Variants in CATSPERE observed in about 807,000 individuals in gnomAD.
CATSPERE encodes cation channel sperm-associated auxiliary subunit epsilon.
CATSPERE carries 93 observed loss-of-function variants against 114.1 expected under a neutral mutation model. The ratio of observed to expected loss-of-function variants is 0.81; its 90% CI spans 0.69 to 0.97. CATSPERE has a LOEUF of 0.97. CATSPERE is among the 50% of genes least tolerant of loss of function. The pLI, the probability that CATSPERE is intolerant of heterozygous loss-of-function variation, is 0.00. For missense variants in CATSPERE, 1,058 were observed against 1,131.6 expected, an observed-to-expected ratio of 0.93 and a Z score of 0.93; for synonymous variants, 341 against 384.1, an observed-to-expected ratio of 0.89 and a Z score of 1.31.
At chr1:244,571,808 G>A (rs950627185) in intron 10 of CATSPERE, among the ~76,000 whole-genome samples, 3 of 152,062 alleles carry the variant, frequency 2.0e-5, no homozygotes, top group Non-Finnish European at 4.4e-5. Context: ...TCCTCATGTG[G>A]CCTTTCTTCT....
intron 5 of CATSPERE, among the ~76,000 whole-genome samples, chr1:244,486,930 C>T (rs1439432648): frequency 6.4e-4 from 88 of 138,494 alleles, no homozygotes; most frequent in East Asian, 2.4e-3. Flanking sequence ...TGTAGACCCT[C>T]GTAGTCACCT....
intron 6 of CATSPERE, among the ~76,000 whole-genome samples, chr1:244,492,013 G>C (rs1672265058): frequency 6.6e-6 from 1 of 152,176 alleles, no homozygotes; most frequent in African/African-American, 2.4e-5. Context: ...TCTACCTGAG[G>C]TACAAGGAGG....
intron 8 of CATSPERE, among the ~76,000 whole-genome samples, chr1:244,524,653 AC>A (rs1558426960): frequency 6.6e-6 from 1 of 151,740 alleles, no homozygotes; most frequent in African/African-American, 2.4e-5. Flanking sequence ...AAAAAAACAA[AC>A]AACCCCATCA....
intron 8 of CATSPERE, 63 bp downstream of exon 8, chr1:244,518,761 C>T (rs1163430201): frequency 1.9e-5 from 16 of 844,490 alleles, no homozygotes; most frequent in Non-Finnish European, 2.7e-5. Context: ...TTTTAAAATC[C>T]TAGTGGAACT....
chr1:244,514,750 A>G (rs569079826), intron 7 of CATSPERE, among the ~76,000 whole-genome samples: 2 of 148,958 alleles, frequency 1.3e-5, no homozygotes, highest in Admixed American at 6.8e-5. Context: ...AATGGCATGA[A>G]CCCGGGAGGT....
chr1:244,451,701 G>C, upstream of CATSPERE: 1 of 1,612,336 alleles, frequency 6.2e-7, no homozygotes, highest in South Asian at 1.1e-5. The surrounding 1 kb of genome is among the most constrained non-coding windows in gnomAD (Gnocchi z 6.6). Context: ...TGCCTTCGTC[G>C]CCCCACTGCG....
rs571365080 is a variant in CATSPERE, at chr1:244,590,572, C to T, written c.2139-1109C>T. Among the ~76,000 whole-genome samples, 8 of 152,302 alleles carry T rather than the reference C, an allele frequency of 5.3e-5. 1 individual carries two copies. The South Asian group carries it at 1.5e-3, about 28-fold the overall frequency. ...TCACCCCAAAAGGAAACTCTTTACC[C>T]AGTTAGCAGTCATTTCCCATTCTCC... On this transcript the variant is annotated intron_variant, in intron 14 of 21. Transcript: ENST00000366534.
upstream of CATSPERE, among the ~76,000 whole-genome samples, chr1:244,460,840 G>GGAGGCGGAGGTTGCAGTGAGCC (rs1394198002): frequency 1.3e-5 from 2 of 152,218 alleles, no homozygotes; most frequent in African/African-American, 4.8e-5. Context: ...CTTGAACGCC[G>GGAGGCGGAGGTTGCAGTGAGCC]GAGGCGGAGG....
At chr1:244,530,114 A>G (rs968452386) in intron 8 of CATSPERE, among the ~76,000 whole-genome samples, 1 of 151,890 alleles carries the variant, frequency 6.6e-6, no homozygotes, top group Admixed American at 6.6e-5. Flanking sequence ...CGCCCGTGTA[A>G]CTTTTGTATT....
chr1:244,519,951 C>G (rs1179110286), intron 8 of CATSPERE, among the ~76,000 whole-genome samples: 1 of 152,186 alleles, frequency 6.6e-6, no homozygotes, highest in African/African-American at 2.4e-5. Context: ...CCCTCACTCA[C>G]GGATTCACCA....
rs1197508475 is a variant in CATSPERE at position 244,640,002 on chromosome 1, A to T, written c.2777A>T (p.Tyr926Phe). ...TTCTTCACTATTCTTGTTTTGAGCT[A>T]CTTTCGGTACATGAGGATTTATAGA... is the stretch of plus-strand genomic sequence containing the variant. ...LLFFTILVLSYFRYMRIYRRY... is the reference protein window; with the variant it reads ...LLFFTILVLSFFRYMRIYRRY... Residue 926 changes from tyrosine (Y) to phenylalanine (F), a missense_variant, in exon 22 of 22, where the codon TAC (tyrosine) becomes TTC (phenylalanine). Tyr to Phe is a conservative substitution (Grantham distance 22). Around this residue, in one of 2 missense-constraint regions of CATSPERE, gnomAD observed 787 missense variants for 905.6 expected, o/e 0.87. Transcript: ENST00000366534. 4 of 1,549,984 alleles carry T rather than the reference A, an allele frequency of 2.6e-6. No individual in the cohort carries two copies. The highest frequency in any genetic ancestry group is 1.7e-6 in the Non-Finnish European group (2 of 1,146,478).
At chr1:244,480,606 G>A (rs1010252707) in intron 5 of CATSPERE, among the ~76,000 whole-genome samples, 1 of 152,338 alleles carries the variant, frequency 6.6e-6, no homozygotes, top group East Asian at 1.9e-4. Flanking sequence ...GAACCAATCA[G>A]AATACTCATG....
intron 11 of CATSPERE, among the ~76,000 whole-genome samples, chr1:244,576,291 A>G (rs554527458): frequency 4.1e-4 from 63 of 152,114 alleles, no homozygotes; most frequent in Non-Finnish European, 8.2e-4. Flanking sequence ...AGAGAGGACT[A>G]GAGACTGCCC....
intron 10 of CATSPERE, among the ~76,000 whole-genome samples, chr1:244,563,067 G>T (rs56081920): frequency 0.2 from 30,074 of 152,076 alleles, 4,458 homozygotes; most frequent in East Asian, 0.41. Context: ...CATGAATTCA[G>T]CCTTTTTCAT....
At chr1:244,630,608 T>C (rs75219917) in intron 20 of CATSPERE, among the ~76,000 whole-genome samples, 1,597 of 152,290 alleles carry the variant, frequency 0.01, 36 homozygotes, top group African/African-American at 0.036. Flanking sequence ...AATTGAGTTA[T>C]TCTAGGTGTT....
intron 20 of CATSPERE, among the ~76,000 whole-genome samples, chr1:244,624,611 G>A (rs187833879): frequency 2.6e-5 from 4 of 152,076 alleles, no homozygotes; most frequent in Non-Finnish European, 4.4e-5. Flanking sequence ...GACCAGCCTG[G>A]CCAACATGGA....
intron 8 of CATSPERE, among the ~76,000 whole-genome samples, chr1:244,545,691 C>G (rs1177185941): frequency 6.6e-6 from 1 of 152,172 alleles, no homozygotes. Context: ...ACCATGCAAC[C>G]CTAGCTGTCC....
intron 13 of CATSPERE, among the ~76,000 whole-genome samples, chr1:244,586,272 C>G (rs1667012367): frequency 2.0e-5 from 3 of 152,132 alleles, no homozygotes; most frequent in Admixed American, 2.0e-4. Flanking sequence ...TTAATCCTAG[C>G]CATGGTGCTT....
At chr1:244,476,750 T>C (rs1164851558) in intron 2 of CATSPERE, among the ~76,000 whole-genome samples, 1 of 152,170 alleles carries the variant, frequency 6.6e-6, no homozygotes, top group Non-Finnish European at 1.5e-5. Context: ...GAAAGTGAAT[T>C]GGTATACTTC....
Sources: allele counts gnomAD v4.1 joint callset (sites outside exome capture counted in the v4.1 genomes callset), GRCh38; gene constraint gnomAD v4.1.1; regional missense constraint gnomAD v4.1.1; non-coding constraint Gnocchi (gnomAD v3.1); transcripts MANE v1.5; gene names NCBI Gene and HGNC (gene_info 2026-07-23, HGNC 2026-07-21).